Variants in MALRD1 observed in about 807,000 individuals in gnomAD.
The protein encoded by MALRD1 is MAM and LDL receptor class A domain containing 1, also known as MAM and LDL-receptor class A domain-containing protein 1.
In MALRD1, 247 loss-of-function variants were observed where a neutral mutation model predicts 242.1. That is an observed-to-expected ratio of 1.02 (90% CI 0.92 to 1.13). The LOEUF (loss-of-function observed/expected upper bound fraction) is 1.13, where lower values mean the gene tolerates loss of function less well. Among genes scored for constraint, MALRD1 ranks in the 50% most tolerant of loss-of-function variants. The pLI, the probability that MALRD1 is intolerant of heterozygous loss-of-function variation, is 0.00. For synonymous variants in MALRD1, 995 were observed against 866.6 expected, an observed-to-expected ratio of 1.15 and a Z score of -2.60; for missense variants, 2,989 against 2,533.1, an observed-to-expected ratio of 1.18 and a Z score of -3.86.
chr10:19,727,736 C>T (rs1205424914), intron 38 of MALRD1, among the ~76,000 whole-genome samples: 3 of 150,608 alleles, frequency 2.0e-5, no homozygotes, highest in Non-Finnish European at 3.0e-5. Context: ...GAGCTACCGG[C>T]ATATTGACAA....
chr10:19,050,653 G>T (rs1035681054), intron 1 of MALRD1, among the ~76,000 whole-genome samples: 3 of 152,130 alleles, frequency 2.0e-5, no homozygotes, highest in Non-Finnish European at 4.4e-5. Flanking sequence ...GTTCAGCCAA[G>T]GGCAAAGATT....
chr10:19,099,194 C>G (rs1189370346), intron 4 of MALRD1, among the ~76,000 whole-genome samples: 10 of 152,110 alleles, frequency 6.6e-5, no homozygotes, highest in African/African-American at 2.4e-4. Flanking sequence ...TTCCAGTTTG[C>G]TTATCTATGT....
chr10:19,547,715 T>A (rs553110974), intron 32 of MALRD1, among the ~76,000 whole-genome samples: 1 of 135,196 alleles, frequency 7.4e-6, no homozygotes, highest in African/African-American at 2.7e-5. Flanking sequence ...TTAAACCTAA[T>A]AACAGATCTA....
intron 14 of MALRD1, among the ~76,000 whole-genome samples, chr10:19,184,675 A>C (rs1430893486): frequency 2.6e-5 from 4 of 151,946 alleles, no homozygotes; most frequent in Non-Finnish European, 5.9e-5. Flanking sequence ...CAGCCTCCCT[A>C]GTGGCTAGAC....
At chr10:19,616,392 TAAG>T (rs911115881) in intron 36 of MALRD1, among the ~76,000 whole-genome samples, 9 of 152,028 alleles carry the variant, frequency 5.9e-5, no homozygotes, top group South Asian at 2.1e-4. Flanking sequence ...AAGGTTTAGA[TAAG>T]AAATACATTT....
At chr10:19,624,707 A>C (rs2131632166) in intron 36 of MALRD1, among the ~76,000 whole-genome samples, 1 of 151,976 alleles carries the variant, frequency 6.6e-6, no homozygotes, top group South Asian at 2.1e-4. Context: ...CTCTACTAAA[A>C]ATACAAAAAT....
At chr10:19,679,234 T>G (rs963106259) in intron 36 of MALRD1, among the ~76,000 whole-genome samples, 3 of 152,194 alleles carry the variant, frequency 2.0e-5, no homozygotes, top group Admixed American at 1.3e-4. Context: ...GAAGGAATGG[T>G]ACCAGCTTCT....
intron 28 of MALRD1, among the ~76,000 whole-genome samples, chr10:19,432,173 G>A (rs533598360): frequency 6.6e-6 from 1 of 152,178 alleles, no homozygotes; most frequent in Non-Finnish European, 1.5e-5. Context: ...ATATAACTTT[G>A]TTAGAGCAAT....
chr10:19,181,234 AC>A (rs1835489134), intron 14 of MALRD1, among the ~76,000 whole-genome samples: 1 of 152,182 alleles, frequency 6.6e-6, no homozygotes, highest in Admixed American at 6.5e-5. Flanking sequence ...AAATGAAATT[AC>A]CACTTCATAA....
At position 19,351,994 on chromosome 10, in the gene MALRD1, T is replaced by C. The variant is rs1748729730; in HGVS notation, c.4150-12T>C. 1 of 1,529,538 alleles carries C rather than the reference T, an allele frequency of 6.5e-7. No homozygotes were observed. The highest frequency in any genetic ancestry group is 1.2e-5 in the South Asian group (1 of 83,552). 94.7% of individuals were successfully genotyped at this position (1,529,538 alleles called of 1,614,324 possible). On this transcript the variant is annotated splice_polypyrimidine_tract_variant and intron_variant, in intron 25 of 39. Transcript: ENST00000454679. ...ATCATATCGTATGTAATATTCCTAT[T>C]CTTGATTACAGATTATTTTTCATTA... is the stretch of plus-strand genomic sequence containing the variant.
intron 29 of MALRD1, among the ~76,000 whole-genome samples, chr10:19,463,500 C>A (rs1191371200): frequency 1.3e-5 from 2 of 151,866 alleles, no homozygotes; most frequent in African/African-American, 4.8e-5. Flanking sequence ...TAGTTCCATC[C>A]AGGTTGCTGC....
intron 8 of MALRD1, among the ~76,000 whole-genome samples, chr10:19,129,087 A>G (rs921555214): frequency 6.6e-6 from 1 of 152,134 alleles, no homozygotes; most frequent in African/African-American, 2.4e-5. Flanking sequence ...AGTGGACACC[A>G]ACTGAGTGTC....
chr10:19,511,940 T>G (rs1833420235), intron 31 of MALRD1, among the ~76,000 whole-genome samples: 1 of 152,068 alleles, frequency 6.6e-6, no homozygotes, highest in South Asian at 2.1e-4. Flanking sequence ...GGATGTCATC[T>G]TCTTCTGAAG....
intron 8 of MALRD1, among the ~76,000 whole-genome samples, chr10:19,129,840 A>T (rs116203292): frequency 0.062 from 9,304 of 149,488 alleles, 317 homozygotes; most frequent in South Asian, 0.14. Flanking sequence ...ATGTGAGATG[A>T]CTATAGATAT....
chr10:19,524,539 C>T (rs1055646539), intron 31 of MALRD1, among the ~76,000 whole-genome samples: 9 of 151,862 alleles, frequency 5.9e-5, no homozygotes, highest in Admixed American at 3.9e-4. Context: ...AGATTGAGAG[C>T]GTTTCACCTG....
intron 11 of MALRD1, among the ~76,000 whole-genome samples, chr10:19,150,010 C>T (rs1833884143): frequency 6.6e-6 from 1 of 152,156 alleles, no homozygotes; most frequent in Non-Finnish European, 1.5e-5. Context: ...TGGCTTCAGC[C>T]ACAATTCCTT....
chr10:19,676,356 T>C (rs956312896), intron 36 of MALRD1, among the ~76,000 whole-genome samples: 2 of 152,166 alleles, frequency 1.3e-5, no homozygotes, highest in Non-Finnish European at 2.9e-5. Flanking sequence ...AGATTCAGGA[T>C]GGGCAGGACA....
At chr10:19,668,975 A>G (rs1490781541) in intron 36 of MALRD1, among the ~76,000 whole-genome samples, 1 of 152,218 alleles carries the variant, frequency 6.6e-6, no homozygotes, top group East Asian at 1.9e-4. Flanking sequence ...ATAAATTAGG[A>G]AAGATTTATT....
chr10:19,311,148 A>T (rs1350179244), intron 21 of MALRD1, among the ~76,000 whole-genome samples: 1 of 151,520 alleles, frequency 6.6e-6, no homozygotes, highest in Non-Finnish European at 1.5e-5. Context: ...AGATAAAATT[A>T]GTTCTCTTTT....
Sources: allele counts gnomAD v4.1 joint callset (sites outside exome capture counted in the v4.1 genomes callset), GRCh38; gene constraint gnomAD v4.1.1; transcripts MANE v1.5; gene names NCBI Gene and HGNC (gene_info 2026-07-23, HGNC 2026-07-21).